RIN2: variants seen among roughly 807,000 people sequenced by gnomAD.
RIN2 encodes RAB5 interacting protein 2.
A neutral mutation model predicts 78.0 loss-of-function variants in RIN2; 36 were observed. That is an observed-to-expected ratio of 0.46 (90% confidence interval 0.35 to 0.61). RIN2 has a LOEUF of 0.61. Ranked by LOEUF, RIN2 falls within the 20% of genes least tolerant of loss-of-function variation. The pLI is 0.00. For synonymous variants in RIN2, 466 were observed against 466.8 expected (o/e 1.00, Z 0.02); for missense variants, 1,087 against 1,159.7 (o/e 0.94, Z 0.91).
intron 5 of RIN2, among the ~76,000 whole-genome samples, chr20:19,957,673 T>TC (rs72147607): frequency 1.7e-4 from 25 of 143,556 alleles, no homozygotes; most frequent in Non-Finnish European, 3.0e-4. Flanking sequence ...CAAGAATCTG[T>TC]CCCCCCCAAA....
chr20:19,910,570 CTTTTT>C (rs11476687), intron 3 of RIN2, among the ~76,000 whole-genome samples: 1 of 128,100 alleles, frequency 7.8e-6, no homozygotes, highest in African/African-American at 3.0e-5. Context: ...AGGAAGTGAA[CTTTTT>C]TTTTTTTTTT....
intron 2 of RIN2, among the ~76,000 whole-genome samples, chr20:19,882,210 C>T (rs1049245027): frequency 1.3e-5 from 2 of 152,118 alleles, no homozygotes; most frequent in African/African-American, 4.8e-5. Flanking sequence ...TTCGGACATT[C>T]CAAATGTAAC....
intron 1 of RIN2, among the ~76,000 whole-genome samples, chr20:19,793,821 G>A (rs201473045): frequency 1.3e-4 from 20 of 152,188 alleles, no homozygotes; most frequent in East Asian, 3.9e-4. Flanking sequence ...GAGAAGCCTA[G>A]ATTTGGGTTC....
chr20:19,895,823 A>G (rs2038694552), intron 3 of RIN2: 1 of 152,248 alleles, frequency 6.6e-6, no homozygotes, highest in Admixed American at 6.5e-5. Context: ...TGAAGAAACT[A>G]CATTGCTGAA....
chr20:19,893,177 A>T (rs2038561517), intron 3 of RIN2, among the ~76,000 whole-genome samples: 1 of 152,156 alleles, frequency 6.6e-6, no homozygotes, highest in Admixed American at 6.5e-5. Context: ...GCGGACTTCG[A>T]TTTGAGAGCT....
At chr20:19,765,776 G>A (rs991943370) in intron 1 of RIN2, among the ~76,000 whole-genome samples, 3 of 151,956 alleles carry the variant, frequency 2.0e-5, no homozygotes, top group African/African-American at 4.8e-5. Flanking sequence ...AGTAAGCACA[G>A]GGATCTTGGG....
Position 19,975,800 on chromosome 20 carries a change from T to C in RIN2, c.1762+13T>C. The C allele has an allele frequency of 6.3e-7, 1 of 1,586,700 alleles. No homozygotes were observed. The highest frequency in any genetic ancestry group is 1.7e-4 in the Middle Eastern group (1 of 6,026). On this transcript the variant is annotated intron_variant, in intron 9 of 12. Coordinates refer to ENST00000255006, the MANE Select transcript of RIN2 (RefSeq NM_018993.4). This position sits in a 1 kb window ranked among gnomAD's most constrained non-coding sequence, Gnocchi z 4.9. The stretch of plus-strand genomic sequence containing the variant: ...GAAGACCAAATAGGTAAGTACCCTC[T>C]TTTTTAAAATATAAAATCTATTGTA...
intron 3 of RIN2, among the ~76,000 whole-genome samples, chr20:19,918,117 G>A (rs2039758551): frequency 6.6e-6 from 1 of 152,154 alleles, no homozygotes; most frequent in African/African-American, 2.4e-5. Flanking sequence ...ATGTGACTGT[G>A]ACACCCACGC....
At chr20:19,965,062 T>C (rs1600972369) in intron 7 of RIN2, 38 bp downstream of exon 7, 1 of 1,532,588 alleles carries the variant, frequency 6.5e-7, no homozygotes, top group East Asian at 2.2e-5. Flanking sequence ...CAAGGCCCTG[T>C]TTGGTGTGTG....
At chr20:19,886,760 T>G (rs1353745929) in intron 2 of RIN2, 2 of 1,542,176 alleles carry the variant, frequency 1.3e-6, no homozygotes, top group African/African-American at 1.4e-5. Context: ...CTGGAGGAAT[T>G]TCACAGCCTC....
At chr20:19,844,698 CTCTTCTTCTTCTTCTTCTTCT>C (rs869169793) in intron 2 of RIN2, among the ~76,000 whole-genome samples, 3 of 26,356 alleles carry the variant, frequency 1.1e-4, no homozygotes, top group African/African-American at 3.5e-4. Flanking sequence ...CTTCCTCTTC[CTCTTCTTCTTCTTCTTCTTCT>C]TCTTCTTCTT....
At chr20:19,809,853 G>C (rs1672273761) in intron 2 of RIN2, among the ~76,000 whole-genome samples, 2 of 152,136 alleles carry the variant, frequency 1.3e-5, no homozygotes, top group Admixed American at 1.3e-4. Context: ...ACTACAAGAA[G>C]ATGGCCCAAG....
intron 2 of RIN2, among the ~76,000 whole-genome samples, chr20:19,819,968 T>G (rs927112): frequency 0.28 from 43,297 of 152,084 alleles, 6,562 homozygotes; most frequent in African/African-American, 0.4. Flanking sequence ...GTCACACAAA[T>G]GCAAATGCAA....
At chr20:19,980,871 C>A (rs2042430751) in intron 9 of RIN2, among the ~76,000 whole-genome samples, 1 of 152,146 alleles carries the variant, frequency 6.6e-6, no homozygotes, top group Non-Finnish European at 1.5e-5. Context: ...ACACAGCCCC[C>A]ACTCTCTTCT....
intron 2 of RIN2, among the ~76,000 whole-genome samples, chr20:19,875,969 AG>A (rs1323992076): frequency 6.6e-6 from 1 of 152,222 alleles, no homozygotes; most frequent in African/African-American, 2.4e-5. Context: ...GAGGAAAGTA[AG>A]GGCACAGCCG....
intron 3 of RIN2, among the ~76,000 whole-genome samples, chr20:19,928,856 C>T (rs2040333193): frequency 6.6e-6 from 1 of 152,210 alleles, no homozygotes; most frequent in African/African-American, 2.4e-5. Flanking sequence ...CTCCCAGCTT[C>T]TAAAGGCAAC....
intron 2 of RIN2, among the ~76,000 whole-genome samples, chr20:19,829,542 G>A (rs182747202): frequency 1.2e-3 from 187 of 152,172 alleles, no homozygotes; most frequent in Middle Eastern, 0.01. Flanking sequence ...AAAGTGTGCC[G>A]GCTTAAAAAG....
Position 20,000,545 on chromosome 20 carries a change from G to T in RIN2, c.2365-68G>T, listed in dbSNP as rs139913977. 1.3e-5 allele frequency: 17 copies of T among 1,274,324 alleles called. No homozygotes were observed. In the African/African-American group the frequency reaches 2.1e-4, roughly 16 times the overall value. The allele number at this position is 1,274,324 out of a possible 1,614,324, so 78.9% of individuals were successfully genotyped here. A position where few individuals can be genotyped will look rare whatever the true frequency, so the allele number is the denominator to read the frequency against. On this transcript the variant is annotated intron_variant, in intron 12 of 12. Coordinates refer to ENST00000255006, the MANE Select transcript of RIN2 (RefSeq NM_018993.4). Reference sequence around the variant, plus strand: ...ATGGCTTACAGTTACCCCCTCCCCTGGTCCCCCATCATGCTCACTATCTAG... The same window carrying T: ...ATGGCTTACAGTTACCCCCTCCCCTTGTCCCCCATCATGCTCACTATCTAG...
At chr20:19,986,011 T>A (rs1392904249) in intron 9 of RIN2, among the ~76,000 whole-genome samples, 1 of 152,238 alleles carries the variant, frequency 6.6e-6, no homozygotes, top group African/African-American at 2.4e-5. Context: ...GTGGCTAGAA[T>A]AGTGTCATTG....
Sources: allele counts gnomAD v4.1 joint callset (sites outside exome capture counted in the v4.1 genomes callset), GRCh38; gene constraint gnomAD v4.1.1; non-coding constraint Gnocchi (gnomAD v3.1); transcripts MANE v1.5; gene names NCBI Gene and HGNC (gene_info 2026-07-23, HGNC 2026-07-21).